The following KCNQ2 variants were observed in gnomAD, a reference collection of about 807,000 sequenced individuals.
The protein encoded by KCNQ2 is potassium voltage-gated channel subfamily KQT member 2.
A neutral mutation model predicts 84.8 loss-of-function variants in KCNQ2; 14 were observed. The ratio of observed to expected loss-of-function variants is 0.17; its 90% CI spans 0.11 to 0.26. The LOEUF is 0.26. KCNQ2 is among the 10% of genes least tolerant of loss of function. The probability of loss-of-function intolerance (pLI) is 1.00; values close to 1 mark genes in which losing one functional copy is unlikely to be tolerated. For synonymous variants in KCNQ2, 599 were observed against 554.1 expected (o/e 1.08, Z -1.14); for missense variants, 788 against 1,254.0 (o/e 0.63, Z 5.61).
chr20:63,454,528 A>G (rs1235589680), intron 1 of KCNQ2, among the ~76,000 whole-genome samples: 1 of 152,212 alleles, frequency 6.6e-6, no homozygotes, highest in Non-Finnish European at 1.5e-5. Flanking sequence ...CAGACCAGGG[A>G]AGAAACCTCC....
intron 7 of KCNQ2, among the ~76,000 whole-genome samples, chr20:63,436,403 T>A (rs866278847): frequency 6.6e-6 from 1 of 151,940 alleles, no homozygotes; most frequent in African/African-American, 2.4e-5. Flanking sequence ...TGGTGGTGGG[T>A]GCCTGTAGTC....
chr20:63,463,177 G>A (rs898482537), intron 1 of KCNQ2, among the ~76,000 whole-genome samples: 4 of 151,974 alleles, frequency 2.6e-5, no homozygotes, highest in South Asian at 2.1e-4. Context: ...CAGGAGGATC[G>A]CTCAGGCCCA....
chr20:63,457,107 C>T (rs998287450), intron 1 of KCNQ2, among the ~76,000 whole-genome samples: 2 of 152,266 alleles, frequency 1.3e-5, no homozygotes, highest in Non-Finnish European at 2.9e-5. Context: ...GGCGCGGGCG[C>T]CGCTGACAGA....
chr20:63,443,126 C>T (rs1600774963), intron 4 of KCNQ2, among the ~76,000 whole-genome samples: 11 of 98,936 alleles, frequency 1.1e-4, no homozygotes, highest in African/African-American at 1.6e-4. Flanking sequence ...ACTATCACCA[C>T]CACCACCATC....
chr20:63,439,521 C>G (rs957149044), intron 6 of KCNQ2, 77 bp downstream of exon 6: 2 of 1,097,740 alleles, frequency 1.8e-6, no homozygotes, highest in Admixed American at 3.4e-5. Context: ...GGGAACTGTG[C>G]CCAGGGGCCT....
At chr20:63,451,391 C>T (rs763537284) in intron 1 of KCNQ2, among the ~76,000 whole-genome samples, 1 of 152,196 alleles carries the variant, frequency 6.6e-6, no homozygotes, top group Admixed American at 6.5e-5. Flanking sequence ...GATGAGCACA[C>T]GGCAATATAC....
Position 63,402,911 on chromosome 20 carries a change from T to A in KCNQ2, c.*3733A>T, listed in dbSNP as rs2079839024. 1 of 152,202 alleles carries A rather than the reference T, an allele frequency of 6.6e-6. No homozygotes were observed. The highest frequency in any genetic ancestry group is 6.5e-5 in the Admixed American group (1 of 15,272). The allele number at this position is 152,202 out of a possible 1,614,324, so 9.4% of individuals were successfully genotyped here. A position where few individuals can be genotyped will look rare whatever the true frequency, so the allele number is the denominator to read the frequency against. On this transcript the variant is annotated 3_prime_UTR_variant, in exon 17 of 17. Transcript: ENST00000359125. ...CTCCCCCAGCGTGTCCCAGCCGTGGTGGCAGCTGGAAGACTCACGGACTGT... is the reference window on the plus strand; with the variant it reads ...CTCCCCCAGCGTGTCCCAGCCGTGGAGGCAGCTGGAAGACTCACGGACTGT...
At chr20:63,411,424 C>A (rs8124046) in intron 15 of KCNQ2, among the ~76,000 whole-genome samples, 2 of 152,176 alleles carry the variant, frequency 1.3e-5, no homozygotes, top group South Asian at 4.1e-4. Flanking sequence ...ACGGGCAGGG[C>A]CAGAGGGATG....
rs182610251 is a variant in KCNQ2, at chr20:63,405,576, G to A, written c.*1068C>T. On this transcript the variant is annotated 3_prime_UTR_variant, in exon 17 of 17. Coordinates refer to ENST00000359125, the MANE Select transcript of KCNQ2 (RefSeq NM_172107.4). ...AGGGCGGCCCTGTGCTGACGGTGGA[G>A]GCTATCCTGGCCCGCTGCATCATGG... 1 of 152,488 alleles carries A rather than the reference G, an allele frequency of 6.6e-6. No individual in the cohort carries two copies. The highest frequency in any genetic ancestry group is 6.5e-5 in the Admixed American group (1 of 15,308). 9.4% of individuals were successfully genotyped at this position (152,488 alleles called of 1,614,324 possible).
At position 63,414,488 on chromosome 20, in the gene KCNQ2, G is replaced by A. The variant is rs911823886; in HGVS notation, c.1526-295C>T. ...GCATCCACGCACAGATGTTAACGGC[G>A]GAAGGTGCAGGCCTGACATCTGAGG... On this transcript the variant is annotated intron_variant, in intron 13 of 16. Coordinates refer to ENST00000359125, the MANE Select transcript of KCNQ2 (RefSeq NM_172107.4). This position sits in a 1 kb window ranked among gnomAD's most constrained non-coding sequence, Gnocchi z 6.6. 6.6e-6 allele frequency among the ~76,000 whole-genome samples: 1 copy of A among 152,120 alleles called. No individual in the cohort carries two copies. Among genetic ancestry groups the A allele is most frequent in the Non-Finnish European group, 1.5e-5 (1 of 68,034 alleles).
chr20:63,411,166 G>A (rs556293394), intron 15 of KCNQ2: 6 of 369,776 alleles, frequency 1.6e-5, no homozygotes, highest in African/African-American at 8.5e-5. Context: ...GCCTGTGCCG[G>A]GCACCTGGCA....
chr20:63,416,380 G>C (rs1476771278), intron 12 of KCNQ2, among the ~76,000 whole-genome samples: 1 of 152,226 alleles, frequency 6.6e-6, no homozygotes, highest in Non-Finnish European at 1.5e-5. Context: ...AGTGAGGGGA[G>C]GGGAGGGTTC....
chr20:63,465,766 G>A (rs137901713), intron 1 of KCNQ2, among the ~76,000 whole-genome samples: 32 of 152,292 alleles, frequency 2.1e-4, no homozygotes, highest in African/African-American at 4.1e-4. Context: ...CAAAGGCACC[G>A]TTTTGAGACT....
At chr20:63,431,300 CCACA>C in intron 9 of KCNQ2, 36 bp downstream of exon 9, 1 of 1,599,156 alleles carries the variant, frequency 6.3e-7, no homozygotes, top group South Asian at 1.1e-5. Flanking sequence ...AGAACTAGAA[CCACA>C]CACACACACA....
At position 63,442,692 on chromosome 20, in the gene KCNQ2, T is replaced by TCACCACCAC. The variant is rs1422312060; in HGVS notation, c.691-162_691-161insGTGGTGGTG. Reference sequence around the variant, plus strand: ...ACCACCACCACCACCACCATCACCATCACCACCATCACCATCACCACCACC... The same window carrying TCACCACCAC: ...ACCACCACCACCACCACCATCACCATCACCACCACCACCACCATCACCATCACCACCACC... On this transcript the variant is annotated intron_variant, in intron 4 of 16. Transcript: ENST00000359125. Among the ~76,000 whole-genome samples, 133 of 50,104 alleles carry TCACCACCAC rather than the reference T, an allele frequency of 2.7e-3. 3 individuals carry two copies. Among genetic ancestry groups the TCACCACCAC allele is most frequent in the African/African-American group, 8.4e-3 (103 of 12,244 alleles). 32.9% of individuals were successfully genotyped at this position (50,104 alleles called of 152,430 possible). A position where few individuals can be genotyped will look rare whatever the true frequency, so the allele number is the denominator to read the frequency against.
intron 8 of KCNQ2, among the ~76,000 whole-genome samples, chr20:63,431,972 C>CTCCA (rs2080805599): frequency 6.9e-6 from 1 of 145,480 alleles, no homozygotes. Flanking sequence ...ACAGGGAAGG[C>CTCCA]CCCACCCGCA....
In KCNQ2 at chr20:63,446,910, G is replaced by C. The variant is rs1349506229; in HGVS notation, c.297-73C>G. On this transcript the variant is annotated intron_variant, in intron 1 of 16. Coordinates refer to ENST00000359125, the MANE Select transcript of KCNQ2 (RefSeq NM_172107.4). This position sits in a 1 kb window ranked among gnomAD's most constrained non-coding sequence, Gnocchi z 5.5. ...AGCATGGCTGTGTCTCCAGAACTCA[G>C]GACCCCACTCCCCACCAGGCCGCAG... 3.7e-5 allele frequency: 49 copies of C among 1,330,284 alleles called. No homozygotes were observed. Among genetic ancestry groups the C allele is most frequent in the Non-Finnish European group, 4.0e-5 (37 of 922,636 alleles). 82.4% of individuals were successfully genotyped at this position (1,330,284 alleles called of 1,614,324 possible).
At chr20:63,444,132 C>T (rs2145771605) in intron 4 of KCNQ2, among the ~76,000 whole-genome samples, 1 of 152,292 alleles carries the variant, frequency 6.6e-6, no homozygotes, top group South Asian at 2.1e-4. Flanking sequence ...CAAATGAGCC[C>T]ACCCGTGAGC....
At chr20:63,430,355 G>A (rs549501025) in intron 9 of KCNQ2, among the ~76,000 whole-genome samples, 3 of 152,196 alleles carry the variant, frequency 2.0e-5, no homozygotes, top group East Asian at 1.9e-4. Context: ...TGAGCATGTC[G>A]GGGGCAGAGG....
Sources: allele counts gnomAD v4.1 joint callset (sites outside exome capture counted in the v4.1 genomes callset), GRCh38; gene constraint gnomAD v4.1.1; non-coding constraint Gnocchi (gnomAD v3.1); transcripts MANE v1.5; gene names NCBI Gene and HGNC (gene_info 2026-07-23, HGNC 2026-07-21).